The following VWA8 variants were observed in gnomAD, a reference collection of about 807,000 sequenced individuals.
VWA8 encodes von Willebrand factor A domain-containing protein 8.
VWA8 carries 221 observed loss-of-function variants against 241.5 expected under a neutral mutation model. That is an observed-to-expected ratio of 0.91 (90% CI 0.82 to 1.02). The LOEUF (loss-of-function observed/expected upper bound fraction) is 1.02. VWA8 is among the 50% of genes least tolerant of loss of function. The probability of loss-of-function intolerance (pLI) is 0.00; values close to 1 mark genes in which losing one functional copy is unlikely to be tolerated. For synonymous variants in VWA8, 852 were observed against 827.1 expected (o/e 1.03, Z -0.52); for missense variants, 2,322 against 2,328.7 (o/e 1.00, Z 0.06).
intron 12 of VWA8, among the ~76,000 whole-genome samples, chr13:41,836,195 C>A (rs1871721125): frequency 6.6e-6 from 1 of 151,840 alleles, no homozygotes; most frequent in African/African-American, 2.4e-5. Flanking sequence ...ATACAAAATG[C>A]ACAACAAAAT....
intron 37 of VWA8, among the ~76,000 whole-genome samples, chr13:41,651,246 T>C (rs909281491): frequency 6.6e-6 from 1 of 152,172 alleles, no homozygotes; most frequent in Non-Finnish European, 1.5e-5. Context: ...AATTGTAAAA[T>C]AGCTTTTCCT....
At chr13:41,785,736 C>T (rs1318356663) in intron 18 of VWA8, among the ~76,000 whole-genome samples, 2 of 152,046 alleles carry the variant, frequency 1.3e-5, no homozygotes, top group African/African-American at 4.8e-5. Context: ...AAACCATGAG[C>T]TGTAACACTG....
intron 26 of VWA8, among the ~76,000 whole-genome samples, chr13:41,705,107 A>G (rs2045274568): frequency 1.3e-5 from 2 of 152,228 alleles, no homozygotes; most frequent in Non-Finnish European, 2.9e-5. Flanking sequence ...TGTTTATCAC[A>G]AGAGGAACGA....
chr13:41,925,907 A>G, intron 2 of VWA8: 1 of 374,408 alleles, frequency 2.7e-6, no homozygotes, highest in African/African-American at 2.1e-5. Flanking sequence ...CAGACATCTC[A>G]TTCAATGACT....
chr13:41,856,322 C>A (rs1477538199), intron 12 of VWA8, among the ~76,000 whole-genome samples: 14 of 151,990 alleles, frequency 9.2e-5, no homozygotes, highest in Non-Finnish European at 1.8e-4. Context: ...GGTGATAGAG[C>A]GAGACTTTGA....
At chr13:41,878,995 A>G (rs954768350) in intron 9 of VWA8, among the ~76,000 whole-genome samples, 3 of 152,160 alleles carry the variant, frequency 2.0e-5, no homozygotes, top group African/African-American at 7.2e-5. Flanking sequence ...TCATTTTATC[A>G]GAACTTCTCA....
chr13:41,605,540 C>T (rs117541004), intron 39 of VWA8, among the ~76,000 whole-genome samples: 10 of 152,248 alleles, frequency 6.6e-5, no homozygotes, highest in Non-Finnish European at 1.5e-4. Context: ...ATGATGTAAA[C>T]ATTGCCACCA....
chr13:41,659,013 TTTAA>T (rs1470748086), intron 37 of VWA8, among the ~76,000 whole-genome samples: 1 of 152,220 alleles, frequency 6.6e-6, no homozygotes, highest in East Asian at 1.9e-4. Flanking sequence ...TCAATTAAAG[TTTAA>T]TTATGTCAAT....
At chr13:41,714,589 A>G (rs1486768894) in intron 26 of VWA8, among the ~76,000 whole-genome samples, 1 of 151,964 alleles carries the variant, frequency 6.6e-6, no homozygotes, top group African/African-American at 2.4e-5. Flanking sequence ...TATACTTCTT[A>G]TATAAGGTAG....
At chr13:41,901,464 A>C (rs2138098509) in intron 4 of VWA8, among the ~76,000 whole-genome samples, 1 of 152,316 alleles carries the variant, frequency 6.6e-6, no homozygotes, top group Non-Finnish European at 1.5e-5. Flanking sequence ...TGAGAATTAA[A>C]TGCAATAATA....
chr13:41,639,300 G>A (rs1218565900), intron 37 of VWA8, among the ~76,000 whole-genome samples: 1 of 152,122 alleles, frequency 6.6e-6, no homozygotes, highest in African/African-American at 2.4e-5. Flanking sequence ...CTAAATCAGT[G>A]AAACCTAAAG....
At position 41,570,484 on chromosome 13, in the gene VWA8, C is replaced by T; in HGVS notation, c.5593G>A (p.Gly1865Ser). The T allele has an allele frequency of 6.2e-7, 1 of 1,614,108 alleles. No individual in the cohort carries two copies. Residue 1865 changes from glycine (G) to serine (S), a missense_variant, in exon 44 of 45, where the codon GGT becomes AGT. Physicochemically the swap from Gly to Ser is moderately conservative, Grantham distance 56. Transcript: ENST00000379310. The part of the protein sequence containing the change: ...NAFAIFIGSL[G>S]DQATRLQRTL... The stretch of plus-strand genomic sequence containing the variant: ...GACACTTACCTGGTTGCTTGATCAC[C>T]TAAAGAGCCAATAAAAATGGCAAAA...
intron 17 of VWA8, among the ~76,000 whole-genome samples, chr13:41,793,138 C>T (rs957499748): frequency 8.5e-5 from 13 of 152,162 alleles, no homozygotes; most frequent in Admixed American, 4.6e-4. Context: ...AATTTCCTTT[C>T]TGCTTGTAGT....
At chr13:41,573,610 C>CATATATATACATATATATATATATATAT (rs1239166610) in intron 43 of VWA8, among the ~76,000 whole-genome samples, 1 of 140,190 alleles carries the variant, frequency 7.1e-6, no homozygotes, top group African/African-American at 2.8e-5. Context: ...TATATATACG[C>CATATATATACATATATATATATATATAT]ATATATATGG....
At chr13:41,830,999 C>T (rs186844572) in intron 13 of VWA8, among the ~76,000 whole-genome samples, 2 of 152,170 alleles carry the variant, frequency 1.3e-5, no homozygotes, top group African/African-American at 4.8e-5. Context: ...TTACTCTCTT[C>T]GGTCTAAAGT....
intron 23 of VWA8, among the ~76,000 whole-genome samples, chr13:41,729,211 T>G (rs1426443418): frequency 6.6e-6 from 1 of 151,946 alleles, no homozygotes; most frequent in African/African-American, 2.4e-5. Context: ...TTTTTTATTA[T>G]AATGAGCAAA....
intron 43 of VWA8, among the ~76,000 whole-genome samples, chr13:41,572,276 A>C (rs1387559521): frequency 2.0e-5 from 3 of 152,108 alleles, no homozygotes; most frequent in Admixed American, 6.5e-5. Flanking sequence ...CCCCTCTGCC[A>C]GGCTGCCACC....
intron 9 of VWA8, among the ~76,000 whole-genome samples, chr13:41,880,122 C>G (rs946211785): frequency 2.0e-5 from 3 of 152,064 alleles, no homozygotes; most frequent in African/African-American, 7.2e-5. Context: ...AAACCATGCC[C>G]CACGTATTAT....
intron 39 of VWA8, among the ~76,000 whole-genome samples, chr13:41,606,743 T>C (rs1211672787): frequency 6.6e-6 from 1 of 152,146 alleles, no homozygotes; most frequent in Non-Finnish European, 1.5e-5. Context: ...CAGAGGCTTA[T>C]TACAATTATG....
Sources: allele counts gnomAD v4.1 joint callset (sites outside exome capture counted in the v4.1 genomes callset), GRCh38; gene constraint gnomAD v4.1.1; transcripts MANE v1.5; gene names NCBI Gene and HGNC (gene_info 2026-07-23, HGNC 2026-07-21).